Variants in GXYLT2 observed in about 807,000 individuals in gnomAD.
The protein encoded by GXYLT2 is glycosyltransferase 8 domain containing 4.
In GXYLT2, 53 loss-of-function variants were observed where a neutral mutation model predicts 45.8. That is an observed-to-expected ratio of 1.16 (90% CI 0.93 to 1.46). The LOEUF is 1.46. Among genes scored for constraint, GXYLT2 ranks in the 40% most tolerant of loss-of-function variants. GXYLT2 has a pLI of 0.00. For synonymous variants in GXYLT2, 219 were observed against 214.2 expected (o/e 1.02, Z -0.19); for missense variants, 551 against 544.4 (o/e 1.01, Z -0.12).
Position 72,975,100 on chromosome 3 carries a change from A to G in GXYLT2, c.1273A>G (p.Met425Val). The G allele has an allele frequency of 6.2e-7, 1 of 1,613,896 alleles. No individual in the cohort carries two copies. The highest frequency in any genetic ancestry group is 8.5e-7 in the Non-Finnish European group (1 of 1,179,840). The change falls in exon 7 of 7, where the codon ATG becomes GTG. Residue 425 changes from methionine to valine, a missense_variant. Coordinates refer to ENST00000389617, the MANE Select transcript of GXYLT2 (RefSeq NM_001080393.2). The stretch of plus-strand genomic sequence containing the variant: ...TTTTCTGAAGCAAATTGAGAAAACA[A>G]TGAAAAGGGCTTATGAGAAACACGT... ...QVFLKQIEKT[M>V]KRAYEKHVII...
intron 3 of GXYLT2, among the ~76,000 whole-genome samples, chr3:72,948,051 T>G (rs571726422): frequency 8.5e-5 from 13 of 152,176 alleles, no homozygotes; most frequent in Non-Finnish European, 7.3e-5. Flanking sequence ...GAGTTGGAGA[T>G]TCCAACATTC....
intron 5 of GXYLT2, among the ~76,000 whole-genome samples, chr3:72,967,319 C>G (rs1224015984): frequency 6.6e-6 from 1 of 152,154 alleles, no homozygotes; most frequent in Non-Finnish European, 1.5e-5. Flanking sequence ...ATGCAACACT[C>G]TCTTCTTTTT....
intron 2 of GXYLT2, among the ~76,000 whole-genome samples, chr3:72,915,186 T>C (rs910387767): frequency 4.6e-5 from 7 of 152,046 alleles, no homozygotes; most frequent in African/African-American, 1.7e-4. Flanking sequence ...GCGAGCAACC[T>C]AGCATCCTGA....
At chr3:72,900,629 T>C (rs906517533) in intron 1 of GXYLT2, among the ~76,000 whole-genome samples, 13 of 150,824 alleles carry the variant, frequency 8.6e-5, no homozygotes, top group Admixed American at 5.3e-4. Context: ...TGTTGGCCAG[T>C]CTGGTCTCAA....
chr3:72,941,862 C>G (rs1710306046), intron 3 of GXYLT2, among the ~76,000 whole-genome samples: 1 of 152,026 alleles, frequency 6.6e-6, no homozygotes, highest in Non-Finnish European at 1.5e-5. Context: ...CATGTATTTC[C>G]TAGCTCTGTC....
intron 3 of GXYLT2, among the ~76,000 whole-genome samples, chr3:72,944,281 GTCTGGC>G (rs1231671398): frequency 1.4e-5 from 2 of 139,170 alleles, no homozygotes; most frequent in Non-Finnish European, 3.0e-5. Context: ...TTTTGAGACT[GTCTGGC>G]TCTGTTGCCC....
At chr3:72,905,678 A>G (rs1010687552) in intron 1 of GXYLT2, among the ~76,000 whole-genome samples, 5 of 152,148 alleles carry the variant, frequency 3.3e-5, no homozygotes, top group African/African-American at 1.2e-4. Context: ...GTGTACATCC[A>G]TCTTCACCTG....
chr3:72,945,231 C>T lies in GXYLT2; in HGVS notation c.601-9867C>T, dbSNP rs1199221323. The stretch of plus-strand genomic sequence containing the variant: ...TGAACCCGGGAGGCGGAGCTTGCAG[C>T]GAGCTGAGATCGCGCCACTGCACTC... On this transcript the variant is annotated intron_variant, in intron 3 of 6. Transcript: ENST00000389617. 2.6e-5 allele frequency among the ~76,000 whole-genome samples: 4 copies of T among 151,690 alleles called. No individual in the cohort carries two copies. In the East Asian group the frequency reaches 5.8e-4, roughly 22 times the overall value.
chr3:72,914,157 G>A (rs1709686098), intron 2 of GXYLT2, among the ~76,000 whole-genome samples: 3 of 152,200 alleles, frequency 2.0e-5, no homozygotes, highest in East Asian at 1.9e-4. Context: ...TGCCAGTACC[G>A]TCATGATTCC....
At position 72,972,606 on chromosome 3, in the gene GXYLT2, A is replaced by G. The variant is rs572433532; in HGVS notation, c.1150-2371A>G. On this transcript the variant is annotated intron_variant, in intron 6 of 6. Coordinates refer to ENST00000389617, the MANE Select transcript of GXYLT2 (RefSeq NM_001080393.2). ...CAGTGAGCCAAGATCGCACCACTGC[A>G]GTCCAGCCTGGGTGACAGAGCAAGA... Among the ~76,000 whole-genome samples, 371 of 140,930 alleles carry G rather than the reference A, an allele frequency of 2.6e-3. 1 individual carries two copies. Among genetic ancestry groups the G allele is most frequent in the African/African-American group, 9.5e-3 (352 of 37,202 alleles). 92.5% of individuals were successfully genotyped at this position (140,930 alleles called of 152,430 possible). A position where few individuals can be genotyped will look rare whatever the true frequency, so the allele number is the denominator to read the frequency against.
chr3:72,971,293 AAT>A (rs1340143953), intron 6 of GXYLT2, among the ~76,000 whole-genome samples: 1 of 152,190 alleles, frequency 6.6e-6, no homozygotes, highest in African/African-American at 2.4e-5. Context: ...TGGGCCTGAA[AAT>A]ATAGTTTTCA....
intron 2 of GXYLT2, among the ~76,000 whole-genome samples, chr3:72,918,383 A>C (rs1399394614): frequency 6.6e-6 from 1 of 152,116 alleles, no homozygotes; most frequent in Non-Finnish European, 1.5e-5. Context: ...TACTTAACCA[A>C]ACTCTTCTTT....
intron 5 of GXYLT2, among the ~76,000 whole-genome samples, chr3:72,958,458 G>A (rs1710692401): frequency 6.6e-6 from 1 of 151,670 alleles, no homozygotes; most frequent in Non-Finnish European, 1.5e-5. Context: ...CACATATTGT[G>A]TACCTTTTTA....
chr3:72,957,426 G>C, intron 5 of GXYLT2, 74 bp downstream of exon 5: 1 of 1,446,410 alleles, frequency 6.9e-7, no homozygotes, highest in Non-Finnish European at 9.4e-7. Context: ...TTCCATGCCC[G>C]GGTTGCTATT....
rs1710909319 is a variant in GXYLT2, at chr3:72,968,350, A to T, written c.1149+631A>T. Among the ~76,000 whole-genome samples the T allele has an allele frequency of 1.3e-5, 2 of 152,228 alleles. 1 individual carries two copies. On this transcript the variant is annotated intron_variant, in intron 6 of 6. Coordinates refer to ENST00000389617, the MANE Select transcript of GXYLT2 (RefSeq NM_001080393.2). ...GTAACACATAGGATCAAGATTAGACAATAAAAAGAAAATGATATTACTCAG... is the reference window on the plus strand; with the variant it reads ...GTAACACATAGGATCAAGATTAGACTATAAAAAGAAAATGATATTACTCAG...
chr3:72,963,989 T>C (rs1309149336), intron 5 of GXYLT2, among the ~76,000 whole-genome samples: 2 of 152,110 alleles, frequency 1.3e-5, no homozygotes. Flanking sequence ...TTTTTAATTT[T>C]GTAGAGACGG....
At position 72,908,451 on chromosome 3, in the gene GXYLT2, G is replaced by T; in HGVS notation, c.360G>T (p.Arg120=). The T allele has an allele frequency of 1.2e-6, 2 of 1,613,942 alleles. No homozygotes were observed. The highest frequency in any genetic ancestry group is 8.5e-7 in the Non-Finnish European group (1 of 1,179,876). Residue 120 remains arginine (R), a synonymous_variant, in exon 2 of 7, where the codon CGG becomes CGT. Transcript: ENST00000389617. ...IHLAVVACGN[R]LEETLVMLKS... Reference sequence around the variant, plus strand: ...TGGCTGTGGTGGCCTGTGGCAATCGGCTGGAGGAGACGCTGGTCATGCTCA... The same window carrying T: ...TGGCTGTGGTGGCCTGTGGCAATCGTCTGGAGGAGACGCTGGTCATGCTCA...
At chr3:72,933,960 G>GA (rs1710128582) in intron 3 of GXYLT2, among the ~76,000 whole-genome samples, 1 of 152,082 alleles carries the variant, frequency 6.6e-6, no homozygotes, top group South Asian at 2.1e-4. Context: ...TTCTCAGAAT[G>GA]AAAGAGGAGC....
chr3:72,951,414 A>G (rs1176200938), intron 3 of GXYLT2, among the ~76,000 whole-genome samples: 11 of 152,042 alleles, frequency 7.2e-5, no homozygotes, highest in Non-Finnish European at 1.6e-4. Flanking sequence ...TTAAAAGCGA[A>G]AACACAGAGA....
Sources: gnomAD v4.1 joint callset for allele counts (sites outside exome capture counted in the v4.1 genomes callset) on GRCh38, gnomAD v4.1.1 for gene constraint, MANE v1.5 for transcripts, NCBI Gene and HGNC (gene_info 2026-07-23, HGNC 2026-07-21) for gene names.